The following KANK1 variants were observed in gnomAD, a reference collection of about 807,000 sequenced individuals.
KANK1 encodes KN motif and ankyrin repeat domain-containing protein 1.
A neutral mutation model predicts 106.2 loss-of-function variants in KANK1; 109 were observed. That is an observed-to-expected ratio of 1.03 (90% CI 0.88 to 1.20). The LOEUF is 1.20. KANK1 is among the 50% of genes most tolerant of loss of function. The pLI, the probability that KANK1 is intolerant of heterozygous loss-of-function variation, is 0.00. For synonymous variants in KANK1, 873 were observed against 652.2 expected (o/e 1.34, Z -5.16); for missense variants, 2,399 against 1,710.7 (o/e 1.40, Z -7.10).
rs1299537121 is a variant in KANK1 at position 712,731 on chromosome 9, T to C, written c.1965T>C (p.Val655=). 1.9e-6 allele frequency: 3 copies of C among 1,613,860 alleles called. No homozygotes were observed. In the African/African-American group the frequency reaches 4.0e-5, roughly 22 times the overall value. The change falls in exon 3 of 12, where the codon GTT becomes GTC. Residue 655 remains valine, a synonymous_variant. Coordinates refer to ENST00000382297, the MANE Select transcript of KANK1 (RefSeq NM_015158.5). ...CCCGGGGCGTGAACACTGAGGCTGTTAGCCAGGTGGAAGCTGCCGTCATGG... is the reference window on the plus strand; with the variant it reads ...CCCGGGGCGTGAACACTGAGGCTGTCAGCCAGGTGGAAGCTGCCGTCATGG... The part of the protein sequence containing the change: ...CASRGVNTEA[V]SQVEAAVMAV...
chr9:562,934 A>G (rs1178501606), intron 1 of KANK1, among the ~76,000 whole-genome samples: 2 of 152,222 alleles, frequency 1.3e-5, no homozygotes, highest in African/African-American at 2.4e-5. Context: ...AGAGGCACCC[A>G]TGAAAATGTG....
At chr9:716,759 C>G (rs1392280268) in intron 3 of KANK1, among the ~76,000 whole-genome samples, 1 of 152,134 alleles carries the variant, frequency 6.6e-6, no homozygotes, top group Admixed American at 6.6e-5. Flanking sequence ...GAGCATGCAT[C>G]ATAAGAAATT....
rs1017617910 is a variant in KANK1 at position 656,093 on chromosome 9, A to G, written c.-83-20797A>G. Among the ~76,000 whole-genome samples, 3 of 152,292 alleles carry G rather than the reference A, an allele frequency of 2.0e-5. No individual in the cohort carries two copies. The East Asian group carries it at 5.8e-4, about 29-fold the overall frequency. On this transcript the variant is annotated intron_variant, in intron 1 of 11. Coordinates refer to ENST00000382297, the MANE Select transcript of KANK1 (RefSeq NM_015158.5). ...TGGCACTTTCTTGCTGTCAGACCGC[A>G]GGCTCTGGGAGCCAGTCTTCTTGGG...
intron 1 of KANK1, among the ~76,000 whole-genome samples, chr9:560,291 G>A (rs867582846): frequency 6.6e-6 from 1 of 152,168 alleles, no homozygotes; most frequent in Admixed American, 6.5e-5. Flanking sequence ...GATTTTTTAT[G>A]GATAAGTTGG....
chr9:583,491 T>A (rs1489779229), intron 1 of KANK1, among the ~76,000 whole-genome samples: 3 of 152,066 alleles, frequency 2.0e-5, no homozygotes, highest in Non-Finnish European at 4.4e-5. Flanking sequence ...TAAAATACGC[T>A]GGGGAAACGA....
chr9:711,816 G>A lies in KANK1; in HGVS notation c.1050G>A (p.Glu350=), dbSNP rs757396627. The A allele has an allele frequency of 6.2e-7, 1 of 1,614,054 alleles. No individual in the cohort carries two copies. Among genetic ancestry groups the A allele is most frequent in the East Asian group, 2.2e-5 (1 of 44,902 alleles). Residue 350 remains glutamate, a synonymous_variant, in exon 3 of 12, where the codon GAG becomes GAA. Coordinates refer to ENST00000382297, the MANE Select transcript of KANK1 (RefSeq NM_015158.5). ...GCGGGGAATTATACATTGACTATGA[G>A]GAGGAAGAAATGGAGACCGTAGAAC... The part of the protein sequence containing the change: ...RSGGELYIDY[E]EEEMETVEQS...
chr9:557,198 A>C (rs1587787265), intron 1 of KANK1, among the ~76,000 whole-genome samples: 2 of 152,044 alleles, frequency 1.3e-5, no homozygotes, highest in Non-Finnish European at 2.9e-5. Flanking sequence ...GAAAAAAAAA[A>C]AAAAAAAAAA....
intron 1 of KANK1, among the ~76,000 whole-genome samples, chr9:639,604 A>G (rs1001258230): frequency 6.6e-6 from 1 of 152,104 alleles, no homozygotes; most frequent in African/African-American, 2.4e-5. Context: ...GGCACGAGCC[A>G]CTGCGCCTGG....
At chr9:730,395 T>G (rs1457161180) in intron 4 of KANK1, 147 bp downstream of exon 4, 6 of 894,630 alleles carry the variant, frequency 6.7e-6, no homozygotes, top group Non-Finnish European at 1.0e-5. Context: ...TATCTTTAAA[T>G]AAGGTTACCA....
intron 1 of KANK1, among the ~76,000 whole-genome samples, chr9:524,992 T>TTC (rs2059720441): frequency 7.1e-6 from 1 of 141,230 alleles, no homozygotes; most frequent in African/African-American, 2.8e-5. Context: ...CTTTTTTTTT[T>TTC]TTTTTTTTTT....
At chr9:543,517 C>G (rs2060736998) in intron 1 of KANK1, among the ~76,000 whole-genome samples, 2 of 150,326 alleles carry the variant, frequency 1.3e-5, no homozygotes, top group Non-Finnish European at 2.9e-5. Context: ...CAAGATCACA[C>G]CATTGCACTC....
chr9:740,373 A>G lies in KANK1; in HGVS notation c.3554-419A>G, dbSNP rs114188670. The stretch of plus-strand genomic sequence containing the variant: ...GGATAAGTAGGTACCACCCTGTCCA[A>G]CGTTCCATACGTAAGCGTTTGCAAA... On this transcript the variant is annotated intron_variant, in intron 8 of 11. Transcript: ENST00000382297. 4.6e-3 allele frequency among the ~76,000 whole-genome samples: 695 copies of G among 152,246 alleles called. 5 individuals are homozygous for G. Among genetic ancestry groups the G allele is most frequent in the African/African-American group, 0.016 (650 of 41,538 alleles).
chr9:742,479 G>A lies in KANK1; in HGVS notation c.3897+74G>A, dbSNP rs951764127. The A allele has an allele frequency of 1.2e-5, 14 of 1,210,980 alleles. 1 individual carries two copies. The Admixed American group carries it at 2.5e-4, about 21-fold the overall frequency. 75.0% of individuals were successfully genotyped at this position (1,210,980 alleles called of 1,614,324 possible). A position where few individuals can be genotyped will look rare whatever the true frequency, so the allele number is the denominator to read the frequency against. On this transcript the variant is annotated intron_variant, in intron 10 of 11. Coordinates refer to ENST00000382297, the MANE Select transcript of KANK1 (RefSeq NM_015158.5). ...GACGGGAGCTCTGGGAGTGCCTTTT[G>A]GCCAGGAGCGACCAAATCCTCCTCT...
At position 711,359 on chromosome 9, in the gene KANK1, C is replaced by T. The variant is rs75034673; in HGVS notation, c.593C>T (p.Ser198Phe). The T allele has an allele frequency of 3.6e-3, 5,861 of 1,614,136 alleles. 170 individuals are homozygous for T. The African/African-American group carries it at 0.069, about 19-fold the overall frequency. Residue 198 changes from serine (S) to phenylalanine (F), a missense_variant, in exon 3 of 12, where the codon TCT becomes TTT. Coordinates refer to ENST00000382297, the MANE Select transcript of KANK1 (RefSeq NM_015158.5). ...ATGGGCACCACAAGCTCCCTCCCTT[C>T]TTTTGTGGGTTCTGGAAACCACAAT... Reference protein sequence around the residue: ...GGMGTTSSLPSFVGSGNHNPA... With the variant: ...GGMGTTSSLPFFVGSGNHNPA...
intron 3 of KANK1, chr9:492,392 T>A (rs1033072178): frequency 1.1e-4 from 16 of 152,178 alleles, no homozygotes; most frequent in Non-Finnish European, 2.1e-4. Flanking sequence ...TAGCTCTGGG[T>A]TTATATGCTG....
At chr9:668,460 AT>A (rs1296922233) in intron 1 of KANK1, among the ~76,000 whole-genome samples, 1 of 152,028 alleles carries the variant, frequency 6.6e-6, no homozygotes, top group African/African-American at 2.4e-5. Context: ...TTTTTGAATA[AT>A]GTCTCTTTGT....
intron 1 of KANK1, among the ~76,000 whole-genome samples, chr9:639,733 CTG>C (rs1837964847): frequency 6.6e-6 from 1 of 152,184 alleles, no homozygotes; most frequent in Non-Finnish European, 1.5e-5. Flanking sequence ...ATGCTACAGA[CTG>C]TGTAATTTAT....
At chr9:621,212 AC>A (rs769182044) in intron 1 of KANK1, among the ~76,000 whole-genome samples, 1 of 152,198 alleles carries the variant, frequency 6.6e-6, no homozygotes, top group Non-Finnish European at 1.5e-5. Context: ...GATAGCTATC[AC>A]ATAACATACA....
rs1836902716 is a variant in KANK1 at position 745,274 on chromosome 9, A to G, written c.*39A>G. ...GCCCTTTATTTACATGCCACTATTAAGCTGCTAATTGTTCCTGTTGGGGTG... is the reference window on the plus strand; with the variant it reads ...GCCCTTTATTTACATGCCACTATTAGGCTGCTAATTGTTCCTGTTGGGGTG... On this transcript the variant is annotated 3_prime_UTR_variant, in exon 12 of 12. Transcript: ENST00000382297. The G allele has an allele frequency of 6.2e-7, 1 of 1,612,644 alleles. No homozygotes were observed. The highest frequency in any genetic ancestry group is 8.5e-7 in the Non-Finnish European group (1 of 1,178,870).
Sources: allele counts gnomAD v4.1 joint callset (sites outside exome capture counted in the v4.1 genomes callset), GRCh38; gene constraint gnomAD v4.1.1; transcripts MANE v1.5; gene names NCBI Gene and HGNC (gene_info 2026-07-23, HGNC 2026-07-21).